Variants in NTM observed in about 807,000 individuals in gnomAD.
NTM encodes neurotrimin, also known as IgLON family member 2.
Under a neutral mutation model 42.1 loss-of-function variants are expected in NTM, and 13 were observed. The observed-to-expected ratio is 0.31, with a 90% CI of 0.20 to 0.49. NTM has a LOEUF of 0.49. Ranked by LOEUF, NTM falls within the 20% of genes least tolerant of loss-of-function variation. NTM has a pLI of 0.99. For missense variants in NTM, 373 were observed against 452.8 expected, an observed-to-expected ratio of 0.82 and a Z score of 1.60; for synonymous variants, 187 against 179.2, an observed-to-expected ratio of 1.04 and a Z score of -0.35.
chr11:131,702,553 C>G, intron 1 of NTM, among the ~76,000 whole-genome samples: 1 of 152,146 alleles, frequency 6.6e-6, no homozygotes, highest in Non-Finnish European at 1.5e-5. Flanking sequence ...GTGCCCAGAG[C>G]ATGGAGAGGT....
At chr11:131,605,873 T>G (rs1257307326) in intron 1 of NTM, 6 of 983,664 alleles carry the variant, frequency 6.1e-6, no homozygotes, top group Non-Finnish European at 7.2e-6. Flanking sequence ...CTGAGGCAGC[T>G]TCACCACCCC....
chr11:132,306,751 G>A (rs1485103892), intron 4 of NTM, among the ~76,000 whole-genome samples: 1 of 152,158 alleles, frequency 6.6e-6, no homozygotes, highest in Admixed American at 6.5e-5. Context: ...TAAGAGAGAA[G>A]GGAGGATAGC....
intron 2 of NTM, among the ~76,000 whole-genome samples, chr11:132,124,529 T>C (rs1267495108): frequency 6.6e-6 from 1 of 152,236 alleles, no homozygotes; most frequent in African/African-American, 2.4e-5. Context: ...CAAATCCTAC[T>C]CAGCAGCTGC....
At chr11:132,096,468 A>T (rs1402329898) in intron 2 of NTM, among the ~76,000 whole-genome samples, 1 of 152,206 alleles carries the variant, frequency 6.6e-6, no homozygotes, top group Non-Finnish European at 1.5e-5. Context: ...GGGGAATAGA[A>T]ATAGAACCCC....
chr11:131,739,937 G>T (rs1339270907), intron 1 of NTM, among the ~76,000 whole-genome samples: 3 of 152,198 alleles, frequency 2.0e-5, no homozygotes, highest in South Asian at 2.1e-4. Flanking sequence ...GGAGCTAAAC[G>T]CACAGTCTCT....
intron 1 of NTM, among the ~76,000 whole-genome samples, chr11:131,382,660 A>G (rs1942829453): frequency 6.6e-6 from 1 of 152,204 alleles, no homozygotes; most frequent in Non-Finnish European, 1.5e-5. Context: ...TGACTATCAT[A>G]GACCCTACTT....
At chr11:132,056,746 C>T (rs2079742105) in intron 2 of NTM, among the ~76,000 whole-genome samples, 1 of 152,192 alleles carries the variant, frequency 6.6e-6, no homozygotes, top group African/African-American at 2.4e-5. Flanking sequence ...CTTCATTTAG[C>T]CTGCCCCTAT....
intron 1 of NTM, among the ~76,000 whole-genome samples, chr11:131,585,032 T>C (rs1012945702): frequency 6.6e-6 from 1 of 152,200 alleles, no homozygotes; most frequent in African/African-American, 2.4e-5. Context: ...ACGTTCTGTT[T>C]TGTTCTTGCA....
At chr11:131,563,322 C>T (rs995011230) in intron 1 of NTM, among the ~76,000 whole-genome samples, 14 of 152,072 alleles carry the variant, frequency 9.2e-5, no homozygotes, top group South Asian at 6.2e-4. Flanking sequence ...AGTAATTTAT[C>T]GGGTAGTGGG....
chr11:132,171,785 A>G (rs1040183679), intron 3 of NTM, among the ~76,000 whole-genome samples: 46 of 152,230 alleles, frequency 3.0e-4, no homozygotes, highest in African/African-American at 1.0e-3. Flanking sequence ...GGATAGATAG[A>G]TCAGAATTTA....
Position 132,239,401 on chromosome 11 carries a change from AGG to A in NTM, c.526+27255_526+27256del, listed in dbSNP as rs2089747841. Among the ~76,000 whole-genome samples the A allele has an allele frequency of 2.0e-5, 3 of 152,226 alleles. No homozygotes were observed. The South Asian group carries it at 6.2e-4, about 31-fold the overall frequency. On this transcript the variant is annotated intron_variant, in intron 4 of 8. Transcript: ENST00000683400. ...AGCAATCATCCCATAAACCTAGCCC[AGG>A]TAATAGTGGTTGAAATTTTAAAAAT...
intron 1 of NTM, among the ~76,000 whole-genome samples, chr11:131,625,401 C>T (rs2062999253): frequency 6.6e-6 from 1 of 152,006 alleles, no homozygotes; most frequent in Non-Finnish European, 1.5e-5. Flanking sequence ...TTAATCAAAT[C>T]CACAAAAGGC....
chr11:131,775,040 G>T (rs1420622837), intron 1 of NTM, among the ~76,000 whole-genome samples: 1 of 152,170 alleles, frequency 6.6e-6, no homozygotes, highest in Non-Finnish European at 1.5e-5. Context: ...TGCTCGCCCA[G>T]TTTACAGTCA....
chr11:132,266,176 G>C (rs1279692464), intron 4 of NTM, among the ~76,000 whole-genome samples: 2 of 152,188 alleles, frequency 1.3e-5, no homozygotes, highest in African/African-American at 4.8e-5. Context: ...CTTCAGGACA[G>C]TCTTTTGTGG....
intron 1 of NTM, among the ~76,000 whole-genome samples, chr11:131,432,509 G>T (rs1948732316): frequency 6.6e-6 from 1 of 152,168 alleles, no homozygotes; most frequent in Admixed American, 6.5e-5. Flanking sequence ...TCTGGCTAAT[G>T]AATTGTTCAA....
chr11:132,023,495 C>T lies in NTM; in HGVS notation c.167+111847C>T, dbSNP rs187187509. On this transcript the variant is annotated intron_variant, in intron 2 of 8. Transcript: ENST00000683400. ...GTGTTGACCCTGGCTGCAGGGCTGG[C>T]GGGGCTAGGGTGGGCAGCCAGAGTG... 1.4e-3 allele frequency among the ~76,000 whole-genome samples: 211 copies of T among 152,168 alleles called. 1 individual carries two copies. The highest frequency in any genetic ancestry group is 0.01 in the Middle Eastern group (3 of 294).
At chr11:132,217,832 G>A (rs1186079625) in intron 4 of NTM, among the ~76,000 whole-genome samples, 1 of 148,118 alleles carries the variant, frequency 6.8e-6, no homozygotes, top group Non-Finnish European at 1.5e-5. Context: ...GAGTTCTCCT[G>A]GCCAATGCCC....
chr11:131,543,838 C>A (rs932675429), intron 1 of NTM, among the ~76,000 whole-genome samples: 1 of 152,208 alleles, frequency 6.6e-6, no homozygotes, highest in Non-Finnish European at 1.5e-5. Context: ...GAACCTTCAT[C>A]CTTATGGCAG....
Position 132,277,277 on chromosome 11 carries a change from C to T in NTM, c.527-30412C>T, listed in dbSNP as rs1304894657. Among the ~76,000 whole-genome samples the T allele has an allele frequency of 3.3e-5, 5 of 152,118 alleles. No homozygotes were observed. The East Asian group carries it at 5.8e-4, about 18-fold the overall frequency. ...ATTATTAATTTATAATTGATTTTAT[C>T]GACTTACTTACAAGTTAATGACTTT... On this transcript the variant is annotated intron_variant, in intron 4 of 8. Transcript: ENST00000683400.
Sources: allele counts gnomAD v4.1 joint callset (sites outside exome capture counted in the v4.1 genomes callset), GRCh38; gene constraint gnomAD v4.1.1; transcripts MANE v1.5; gene names NCBI Gene and HGNC (gene_info 2026-07-23, HGNC 2026-07-21).